Variants in ITGA6 observed in about 807,000 individuals in gnomAD.
ITGA6 encodes integrin alpha-6.
ITGA6 carries 63 observed loss-of-function variants against 133.6 expected under a neutral mutation model. That is an observed-to-expected ratio of 0.47 (90% CI 0.38 to 0.58). ITGA6 has a LOEUF of 0.58. Ranked by LOEUF, ITGA6 falls within the 20% of genes least tolerant of loss-of-function variation. ITGA6 has a pLI of 0.00. For missense variants in ITGA6, 1,068 were observed against 1,309.4 expected (o/e 0.82, Z 2.85); for synonymous variants, 434 against 482.0 (o/e 0.90, Z 1.30).
intron 23 of ITGA6, among the ~76,000 whole-genome samples, chr2:172,494,461 G>A (rs1330377008): frequency 6.6e-6 from 1 of 152,140 alleles, no homozygotes; most frequent in Non-Finnish European, 1.5e-5. Flanking sequence ...TGAGCCAAGA[G>A]TGTGCCACTA....
At chr2:172,488,355 T>TC in intron 19 of ITGA6, 127 bp downstream of exon 19, 1 of 743,348 alleles carries the variant, frequency 1.3e-6, no homozygotes. Context: ...GAGTTAAAAA[T>TC]TAGTTTGCCA....
intron 11 of ITGA6, among the ~76,000 whole-genome samples, chr2:172,482,954 G>C (rs1248139582): frequency 1.3e-5 from 2 of 152,236 alleles, no homozygotes; most frequent in African/African-American, 2.4e-5. Flanking sequence ...ATCAGGTGTT[G>C]TGCTAGTTGC....
chr2:172,496,642 G>A (rs1687138248), intron 23 of ITGA6, among the ~76,000 whole-genome samples: 1 of 144,278 alleles, frequency 6.9e-6, no homozygotes, highest in Non-Finnish European at 1.5e-5. Flanking sequence ...CTCCCCCTGA[G>A]TTTTGTTTCC....
intron 24 of ITGA6, 107 bp downstream of exon 24, chr2:172,498,207 C>A: frequency 1.7e-6 from 2 of 1,164,444 alleles, no homozygotes; most frequent in Non-Finnish European, 1.3e-6. Flanking sequence ...TTCCTTTTTT[C>A]TAACATTATG....
intron 1 of ITGA6, among the ~76,000 whole-genome samples, chr2:172,451,204 G>T (rs1408671296): frequency 2.0e-5 from 3 of 150,846 alleles, no homozygotes; most frequent in African/African-American, 7.3e-5. Flanking sequence ...CGGGCACGGT[G>T]GTGTAATCCC....
At chr2:172,441,559 TAAAAAAA>T (rs57828626) in intron 1 of ITGA6, among the ~76,000 whole-genome samples, 1,146 of 48,818 alleles carry the variant, frequency 0.023, 28 homozygotes, top group Middle Eastern at 0.081. Flanking sequence ...GCTGTCTCTT[TAAAAAAA>T]AAAAAAAAAA....
chr2:172,501,808 G>T lies in ITGA6; in HGVS notation c.3151G>T (p.Asp1051Tyr). 1 of 1,612,520 alleles carries T rather than the reference G, an allele frequency of 6.2e-7. No homozygotes were observed. Among genetic ancestry groups the T allele is most frequent in the Non-Finnish European group, 8.5e-7 (1 of 1,179,222 alleles). ...CAAGAGAAATAAGAAAGATCATTAT[G>T]ATGCCACATATCACAAGGCTGAGAT... ...FFKRNKKDHY[D>Y]ATYHKAEIHA... The change falls in exon 25 of 26, where the codon GAT becomes TAT. Residue 1051 changes from aspartate (D) to tyrosine (Y), a missense_variant. This residue lies in a region of ITGA6 where 609 missense variants were observed against 707.2 expected (regional missense o/e 0.86). Transcript: ENST00000684293.
intron 3 of ITGA6, chr2:172,468,887 T>C (rs1288496624): frequency 1.3e-5 from 6 of 470,676 alleles, no homozygotes; most frequent in Admixed American, 1.1e-4. Context: ...CAATTTTGGA[T>C]TGGAGGATTA....
chr2:172,432,056 G>A (rs1684126400), intron 1 of ITGA6, among the ~76,000 whole-genome samples: 1 of 152,118 alleles, frequency 6.6e-6, no homozygotes, highest in Non-Finnish European at 1.5e-5. Flanking sequence ...TGAAGACCTC[G>A]GCTCAACATA....
intron 19 of ITGA6, among the ~76,000 whole-genome samples, chr2:172,489,256 G>C (rs1686819624): frequency 6.6e-6 from 1 of 152,214 alleles, no homozygotes; most frequent in Non-Finnish European, 1.5e-5. Flanking sequence ...GTTGTTCCTA[G>C]AACGAGTTAG....
intron 2 of ITGA6, chr2:172,466,093 A>T (rs1685660564): frequency 3.6e-6 from 1 of 278,996 alleles, no homozygotes; most frequent in East Asian, 9.4e-5. Flanking sequence ...GCTAACAGAG[A>T]TAAAGTTTTC....
rs777675155 is a variant in ITGA6 at position 172,476,431 on chromosome 2, A to G, written c.1306A>G (p.Ile436Val). The change falls in exon 9 of 26, where the codon ATT becomes GTT. Residue 436 changes from isoleucine to valine, a missense_variant. Coordinates refer to ENST00000684293, the MANE Select transcript of ITGA6 (RefSeq NM_000210.4). ...KGISPYFGYS[I>V]AGNMDLDRNS... is the part of the protein sequence containing the mutation. Reference sequence around the variant, plus strand: ...TATATCACCTTATTTTGGATATTCAATTGCTGGAAACATGGACCTTGATCG... The same window carrying G: ...TATATCACCTTATTTTGGATATTCAGTTGCTGGAAACATGGACCTTGATCG... The G allele has an allele frequency of 1.2e-5, 19 of 1,612,158 alleles. No individual in the cohort carries two copies. The highest frequency in any genetic ancestry group is 3.3e-4 in the Middle Eastern group (2 of 6,080).
At chr2:172,428,556 A>G (rs1386914841) in intron 1 of ITGA6, 7 of 151,532 alleles carry the variant, frequency 4.6e-5, no homozygotes, top group Admixed American at 4.6e-4. Flanking sequence ...AAAAAAAAAA[A>G]AAAAAAGATG....
chr2:172,484,374 G>C (rs1012361988), intron 11 of ITGA6, among the ~76,000 whole-genome samples: 2 of 151,274 alleles, frequency 1.3e-5, no homozygotes, highest in Admixed American at 6.6e-5. Flanking sequence ...GCAAAGGCAC[G>C]AGGCCACTTG....
chr2:172,467,319 TC>T (rs1685723541), intron 2 of ITGA6, among the ~76,000 whole-genome samples, 161 bp from the exon 3 acceptor site: 1 of 152,262 alleles, frequency 6.6e-6, no homozygotes, highest in African/African-American at 2.4e-5. Flanking sequence ...CATCTCTGTT[TC>T]CTTGAGATGA....
At position 172,497,957 on chromosome 2, in the gene ITGA6, T is replaced by G. The variant is rs1053460604; in HGVS notation, c.2989-18T>G. ...TGCCGCTGTATGTAGTAATGCTGCT[T>G]TCTTTTCTGCCCTGTAGGTTCGAGT... On this transcript the variant is annotated intron_variant, in intron 23 of 25. Coordinates refer to ENST00000684293, the MANE Select transcript of ITGA6 (RefSeq NM_000210.4). The G allele has an allele frequency of 6.2e-7, 1 of 1,613,716 alleles. No individual in the cohort carries two copies. The highest frequency in any genetic ancestry group is 2.2e-5 in the East Asian group (1 of 44,852).
At chr2:172,428,046 C>T in intron 1 of ITGA6, 76 bp downstream of exon 1, 5 of 1,475,246 alleles carry the variant, frequency 3.4e-6, no homozygotes. Context: ...GCGCCCTGTT[C>T]CCGCCGGCCC....
chr2:172,427,489 G>T, upstream of ITGA6: 1 of 1,086,604 alleles, frequency 9.2e-7, no homozygotes, highest in Non-Finnish European at 1.1e-6. Context: ...CGGGCGGTGC[G>T]CCGGGCCGCG....
intron 1 of ITGA6, among the ~76,000 whole-genome samples, chr2:172,429,459 TTCTC>T (rs35444515): frequency 6.6e-6 from 1 of 152,120 alleles, no homozygotes; most frequent in Admixed American, 6.5e-5. Flanking sequence ...CTCCTGGGCA[TTCTC>T]TCTCTGCACC....
Sources: allele counts gnomAD v4.1 joint callset (sites outside exome capture counted in the v4.1 genomes callset), GRCh38; gene constraint gnomAD v4.1.1; regional missense constraint gnomAD v4.1.1; transcripts MANE v1.5; gene names NCBI Gene and HGNC (gene_info 2026-07-23, HGNC 2026-07-21).